IGF2BP2: variants seen among roughly 807,000 people sequenced by gnomAD.
The protein encoded by IGF2BP2 is insulin-like growth factor 2 mRNA-binding protein 2.
Under a neutral mutation model 75.8 loss-of-function variants are expected in IGF2BP2, and 17 were observed. The observed-to-expected ratio is 0.22, with a 90% CI of 0.15 to 0.34. The LOEUF is 0.34. Among genes scored for constraint, IGF2BP2 ranks in the 10% least tolerant of loss-of-function variants. The probability of loss-of-function intolerance (pLI) is 1.00; values close to 1 mark genes in which losing one functional copy is unlikely to be tolerated. For missense variants in IGF2BP2, 516 were observed against 772.4 expected (o/e 0.67, Z 3.93); for synonymous variants, 288 against 295.6 (o/e 0.97, Z 0.26).
intron 2 of IGF2BP2, among the ~76,000 whole-genome samples, chr3:185,809,396 T>C (rs1271418022): frequency 6.6e-6 from 1 of 152,224 alleles, no homozygotes; most frequent in African/African-American, 2.4e-5. Flanking sequence ...GCCAGCCTTA[T>C]GAAGGTTTAA....
chr3:185,656,448 G>A (rs1466288929), intron 12 of IGF2BP2, among the ~76,000 whole-genome samples: 1 of 152,206 alleles, frequency 6.6e-6, no homozygotes, highest in Non-Finnish European at 1.5e-5. Context: ...ACTTGCTGTG[G>A]GAGAAATTCC....
intron 12 of IGF2BP2, among the ~76,000 whole-genome samples, chr3:185,653,302 T>C (rs1187988893): frequency 6.6e-6 from 1 of 152,026 alleles, no homozygotes; most frequent in African/African-American, 2.4e-5. Context: ...ATTAACACAT[T>C]GTAGCAAAAT....
intron 2 of IGF2BP2, among the ~76,000 whole-genome samples, chr3:185,770,169 C>A (rs1365930707): frequency 6.6e-6 from 1 of 152,148 alleles, no homozygotes; most frequent in African/African-American, 2.4e-5. Flanking sequence ...ACAGAATCTA[C>A]GTCTCATAAG....
At chr3:185,773,493 T>C (rs895384367) in intron 2 of IGF2BP2, among the ~76,000 whole-genome samples, 1 of 152,224 alleles carries the variant, frequency 6.6e-6, no homozygotes, top group Admixed American at 6.5e-5. Flanking sequence ...GTAGGAAATT[T>C]TCCCCAGATA....
At chr3:185,767,256 C>A (rs1361602992) in intron 2 of IGF2BP2, among the ~76,000 whole-genome samples, 2 of 152,220 alleles carry the variant, frequency 1.3e-5, no homozygotes, top group Non-Finnish European at 2.9e-5. Context: ...TCAATGCATT[C>A]TTTTGTGCTT....
chr3:185,804,807 G>C (rs1437584729), intron 2 of IGF2BP2, among the ~76,000 whole-genome samples: 1 of 151,880 alleles, frequency 6.6e-6, no homozygotes, highest in Non-Finnish European at 1.5e-5. Flanking sequence ...GGCTAACACA[G>C]TGAAACCCCG....
Position 185,813,731 on chromosome 3 carries a change from C to T in IGF2BP2, c.239+9422G>A, listed in dbSNP as rs370899667. The stretch of plus-strand genomic sequence containing the variant: ...GCTGCACATTCCAAGTAAGTGTATG[C>T]CACAGAACCCATACATTCCAACACA... On this transcript the variant is annotated intron_variant, in intron 2 of 15. Coordinates refer to ENST00000382199, the MANE Select transcript of IGF2BP2 (RefSeq NM_006548.6). 2.1e-3 allele frequency among the ~76,000 whole-genome samples: 317 copies of T among 152,320 alleles called. 1 individual carries two copies. Among genetic ancestry groups the T allele is most frequent in the South Asian group, 3.9e-3 (19 of 4,830 alleles).
At chr3:185,734,151 C>T (rs1057000384) in intron 2 of IGF2BP2, among the ~76,000 whole-genome samples, 11 of 152,210 alleles carry the variant, frequency 7.2e-5, no homozygotes, top group African/African-American at 4.8e-5. Context: ...AGCTGCTCAC[C>T]TCTGCTCCGG....
rs1480117616 is a variant in IGF2BP2, at chr3:185,797,923, C to T, written c.239+25230G>A. Among the ~76,000 whole-genome samples the T allele has an allele frequency of 2.8e-5, 4 of 142,320 alleles. No homozygotes were observed. In the East Asian group the frequency reaches 6.0e-4, roughly 21 times the overall value. 93.4% of individuals were successfully genotyped at this position (142,320 alleles called of 152,430 possible). On this transcript the variant is annotated intron_variant, in intron 2 of 15. Transcript: ENST00000382199. Reference sequence around the variant, plus strand: ...AAAAAAAAAAAAAAAAAAAAAAAGCCGGGCGTGGTGGCTCATGCCTGTAAT... The same window carrying T: ...AAAAAAAAAAAAAAAAAAAAAAAGCTGGGCGTGGTGGCTCATGCCTGTAAT...
intron 15 of IGF2BP2, chr3:185,646,745 G>A (rs1377159059): frequency 4.6e-6 from 2 of 438,412 alleles, no homozygotes; most frequent in Non-Finnish European, 8.5e-6. Flanking sequence ...CTTAAACACT[G>A]CAGGGGGCTT....
At position 185,746,920 on chromosome 3, in the gene IGF2BP2, G is replaced by A. The variant is rs116041319; in HGVS notation, c.240-48573C>T. On this transcript the variant is annotated intron_variant, in intron 2 of 15. Transcript: ENST00000382199. ...GATCTAGGTATGCAAATGTGACCCTGCTAAATTTTGAGTGTGGGCTCTTTT... is the reference window on the plus strand; with the variant it reads ...GATCTAGGTATGCAAATGTGACCCTACTAAATTTTGAGTGTGGGCTCTTTT... Among the ~76,000 whole-genome samples the A allele has an allele frequency of 7.9e-3, 1,202 of 152,284 alleles. 6 individuals are homozygous for A. The highest frequency in any genetic ancestry group is 0.012 in the Non-Finnish European group (808 of 68,030).
At chr3:185,816,975 T>C (rs1740697430) in intron 2 of IGF2BP2, among the ~76,000 whole-genome samples, 2 of 152,232 alleles carry the variant, frequency 1.3e-5, no homozygotes, top group South Asian at 4.1e-4. Context: ...ACTGAAAATA[T>C]AATTCTTATT....
intron 2 of IGF2BP2, among the ~76,000 whole-genome samples, chr3:185,783,187 C>G (rs1481003275): frequency 1.3e-5 from 2 of 152,196 alleles, no homozygotes; most frequent in African/African-American, 4.8e-5. Context: ...AGTGGTCCTT[C>G]TTGTTCTACG....
intron 2 of IGF2BP2, among the ~76,000 whole-genome samples, chr3:185,769,082 C>T (rs1733508047): frequency 6.6e-6 from 1 of 152,008 alleles, no homozygotes; most frequent in Non-Finnish European, 1.5e-5. Flanking sequence ...GTGGTCCACG[C>T]CTGTAATCCC....
chr3:185,704,784 C>T (rs1723779967), intron 2 of IGF2BP2, among the ~76,000 whole-genome samples: 1 of 151,992 alleles, frequency 6.6e-6, no homozygotes, highest in African/African-American at 2.4e-5. Context: ...TCTCTCAAAC[C>T]CAGACACCAC....
chr3:185,771,910 T>C (rs1733929098), intron 2 of IGF2BP2, among the ~76,000 whole-genome samples: 1 of 152,170 alleles, frequency 6.6e-6, no homozygotes, highest in Admixed American at 6.5e-5. Context: ...GGTGGGCTTC[T>C]GGAGGCGGTG....
At chr3:185,658,926 T>C (rs188205453) in intron 10 of IGF2BP2, among the ~76,000 whole-genome samples, 1 of 152,206 alleles carries the variant, frequency 6.6e-6, no homozygotes, top group East Asian at 1.9e-4. Flanking sequence ...CTAGAAGGAA[T>C]GGAAAGAATC....
intron 10 of IGF2BP2, among the ~76,000 whole-genome samples, chr3:185,671,985 TTTC>T (rs1205919865): frequency 6.6e-6 from 1 of 152,248 alleles, no homozygotes; most frequent in Non-Finnish European, 1.5e-5. Flanking sequence ...AAAATTCACA[TTTC>T]TTCTTCTGTT....
At chr3:185,800,051 G>A (rs1210863769) in intron 2 of IGF2BP2, among the ~76,000 whole-genome samples, 1 of 152,138 alleles carries the variant, frequency 6.6e-6, no homozygotes, top group Non-Finnish European at 1.5e-5. Context: ...ATGATAGACT[G>A]GATTAAGAAA....
Sources: gnomAD v4.1 joint callset for allele counts (sites outside exome capture counted in the v4.1 genomes callset) on GRCh38, gnomAD v4.1.1 for gene constraint, MANE v1.5 for transcripts, NCBI Gene and HGNC (gene_info 2026-07-23, HGNC 2026-07-21) for gene names.